The following SSBP2 variants were observed in gnomAD, a reference collection of about 807,000 sequenced individuals.
SSBP2 encodes single stranded DNA binding protein 2.
Under a neutral mutation model 61.8 loss-of-function variants are expected in SSBP2, and 17 were observed. That is an observed-to-expected ratio of 0.28 (90% confidence interval 0.19 to 0.41). The LOEUF (loss-of-function observed/expected upper bound fraction) is 0.41, where lower values mean the gene tolerates loss of function less well. Ranked by LOEUF, SSBP2 falls within the 10% of genes least tolerant of loss-of-function variation. The pLI, the probability that SSBP2 is intolerant of heterozygous loss-of-function variation, is 1.00. For missense variants in SSBP2, 310 were observed against 458.7 expected (o/e 0.68, Z 2.96); for synonymous variants, 139 against 141.3 (o/e 0.98, Z 0.12).
rs561985248 is a variant in SSBP2, at chr5:81,693,106, G to A, written c.63-42767C>T. Among the ~76,000 whole-genome samples the A allele has an allele frequency of 3.3e-5, 5 of 151,506 alleles. No homozygotes were observed. In the East Asian group the frequency reaches 5.8e-4, roughly 18 times the overall value. The stretch of plus-strand genomic sequence containing the variant: ...TGTAGTCCCAGCTACTCAGGAGGCC[G>A]AGGCAGGAGAATCGCTTGAACCTGG... On this transcript the variant is annotated intron_variant, in intron 1 of 16. Coordinates refer to ENST00000320672, the MANE Select transcript of SSBP2 (RefSeq NM_012446.5).
Position 81,583,902 on chromosome 5 carries a change from A to G in SSBP2, c.282+31571T>C, listed in dbSNP as rs973313237. Among the ~76,000 whole-genome samples, 5 of 152,172 alleles carry G rather than the reference A, an allele frequency of 3.3e-5. 1 individual carries two copies. Among genetic ancestry groups the G allele is most frequent in the African/African-American group, 9.7e-5 (4 of 41,436 alleles). On this transcript the variant is annotated intron_variant, in intron 4 of 16. Coordinates refer to ENST00000320672, the MANE Select transcript of SSBP2 (RefSeq NM_012446.5). The stretch of plus-strand genomic sequence containing the variant: ...TACCTTCATCAAATGTAGTTTTCCA[A>G]CTAGTGTTAATACCCTAGATGTTAA...
At chr5:81,489,759 CT>C (rs1360855336) in intron 5 of SSBP2, among the ~76,000 whole-genome samples, 1 of 152,108 alleles carries the variant, frequency 6.6e-6, no homozygotes, top group African/African-American at 2.4e-5. Context: ...CAAATTTCAT[CT>C]TTTATAGCTT....
chr5:81,543,754 A>G (rs1045297324), intron 4 of SSBP2, among the ~76,000 whole-genome samples: 1 of 152,232 alleles, frequency 6.6e-6, no homozygotes, highest in African/African-American at 2.4e-5. Context: ...TAGGCATTCA[A>G]TAATTATTTG....
chr5:81,694,819 AATTT>A (rs1268133533), intron 1 of SSBP2, among the ~76,000 whole-genome samples: 1 of 152,160 alleles, frequency 6.6e-6, no homozygotes, highest in Non-Finnish European at 1.5e-5. Flanking sequence ...TACAAAAAAA[AATTT>A]TTTTAACTAG....
chr5:81,542,844 T>TCTCTCTCTCTCTCC (rs1771399500), intron 4 of SSBP2, among the ~76,000 whole-genome samples: 1 of 151,180 alleles, frequency 6.6e-6, no homozygotes, highest in Admixed American at 6.6e-5. Context: ...TCTCTCTCTC[T>TCTCTCTCTCTCTCC]CTCTCTCTCC....
intron 1 of SSBP2, among the ~76,000 whole-genome samples, chr5:81,702,110 C>T (rs759556565): frequency 2.4e-4 from 36 of 152,224 alleles, no homozygotes; most frequent in Non-Finnish European, 4.0e-4. Context: ...CGGCAGCTCA[C>T]GCCTGTAATC....
intron 3 of SSBP2, among the ~76,000 whole-genome samples, chr5:81,635,691 C>T (rs1451668729): frequency 6.6e-6 from 1 of 151,248 alleles, no homozygotes; most frequent in Non-Finnish European, 1.5e-5. Context: ...TCACGCCATT[C>T]TCCTGCCTTA....
intron 1 of SSBP2, among the ~76,000 whole-genome samples, chr5:81,727,968 C>A (rs1438611840): frequency 6.6e-6 from 1 of 152,080 alleles, no homozygotes; most frequent in Non-Finnish European, 1.5e-5. Flanking sequence ...AAGAAGCCAG[C>A]CATAGAAAGG....
chr5:81,638,045 T>C (rs535706237), intron 2 of SSBP2, among the ~76,000 whole-genome samples: 17 of 137,782 alleles, frequency 1.2e-4, no homozygotes, highest in Admixed American at 3.4e-4. Context: ...CAGGTGGGAA[T>C]TGAACAATGA....
In SSBP2 at chr5:81,552,723, T is replaced by C. The variant is rs370583027; in HGVS notation, c.283-39006A>G. ...ACAGAAAATAATGTAAAGGTGTGCA[T>C]GTGAAGAGGAATTGGTAGAACAAAA... is the stretch of plus-strand genomic sequence containing the variant. On this transcript the variant is annotated intron_variant, in intron 4 of 16. Coordinates refer to ENST00000320672, the MANE Select transcript of SSBP2 (RefSeq NM_012446.5). Among the ~76,000 whole-genome samples, 6 of 150,648 alleles carry C rather than the reference T, an allele frequency of 4.0e-5. No individual in the cohort carries two copies. The South Asian group carries it at 6.3e-4, about 16-fold the overall frequency.
intron 1 of SSBP2, among the ~76,000 whole-genome samples, chr5:81,697,604 A>G (rs1039688057): frequency 1.3e-5 from 2 of 152,218 alleles, no homozygotes; most frequent in Admixed American, 6.5e-5. Context: ...GTTAACTACT[A>G]TGATTACCAG....
At chr5:81,440,006 T>C (rs1762922703) in intron 14 of SSBP2, among the ~76,000 whole-genome samples, 1 of 152,118 alleles carries the variant, frequency 6.6e-6, no homozygotes, top group South Asian at 2.1e-4. Flanking sequence ...TCACTTGAAA[T>C]GGTCTTTATC....
At chr5:81,577,304 CAAAGT>C (rs1774287659) in intron 4 of SSBP2, among the ~76,000 whole-genome samples, 1 of 151,858 alleles carries the variant, frequency 6.6e-6, no homozygotes, top group African/African-American at 2.4e-5. Flanking sequence ...CTCTGTCAGT[CAAAGT>C]AAGTAATAAA....
At chr5:81,581,541 G>T (rs1306960171) in intron 4 of SSBP2, among the ~76,000 whole-genome samples, 1 of 152,150 alleles carries the variant, frequency 6.6e-6, no homozygotes, top group Admixed American at 6.5e-5. Flanking sequence ...AGAAAAAATG[G>T]TAACTGTTTC....
chr5:81,457,676 T>C (rs74487663), intron 10 of SSBP2, among the ~76,000 whole-genome samples: 2 of 152,136 alleles, frequency 1.3e-5, no homozygotes, highest in Admixed American at 1.3e-4. Flanking sequence ...TTTTTTTTTT[T>C]TTGAGACCGA....
At chr5:81,687,076 GATCACTGAAAGC>G (rs1373894967) in intron 1 of SSBP2, among the ~76,000 whole-genome samples, 3 of 152,134 alleles carry the variant, frequency 2.0e-5, no homozygotes, top group Non-Finnish European at 4.4e-5. Context: ...TTTAACTTCG[GATCACTGAAAGC>G]AGCACTGAAG....
At position 81,418,230 on chromosome 5, in the gene SSBP2, T is replaced by C. The variant is rs1761400715; in HGVS notation, c.*2274A>G. 2 of 152,252 alleles carry C rather than the reference T, an allele frequency of 1.3e-5. No individual in the cohort carries two copies. Among genetic ancestry groups the C allele is most frequent in the South Asian group, 2.1e-4 (1 of 4,832 alleles). 9.4% of individuals were successfully genotyped at this position (152,252 alleles called of 1,614,324 possible). A position where few individuals can be genotyped will look rare whatever the true frequency, so the allele number is the denominator to read the frequency against. ...ACTATCACCTTCATTCAGGTTACCC[T>C]GGCTTGAGGTAAAGACCTTTTCATC... On this transcript the variant is annotated 3_prime_UTR_variant, in exon 17 of 17. Coordinates refer to ENST00000320672, the MANE Select transcript of SSBP2 (RefSeq NM_012446.5).
intron 4 of SSBP2, among the ~76,000 whole-genome samples, chr5:81,518,823 A>C (rs1769237011): frequency 6.6e-6 from 1 of 152,172 alleles, no homozygotes; most frequent in Non-Finnish European, 1.5e-5. Flanking sequence ...AATCAGGAAT[A>C]AGAAAATATG....
intron 4 of SSBP2, among the ~76,000 whole-genome samples, chr5:81,557,016 T>C (rs910313684): frequency 6.6e-6 from 1 of 152,144 alleles, no homozygotes; most frequent in African/African-American, 2.4e-5. Context: ...GATTCATCCT[T>C]TCTAATCTCA....
Sources: gnomAD v4.1 joint callset for allele counts (sites outside exome capture counted in the v4.1 genomes callset) on GRCh38, gnomAD v4.1.1 for gene constraint, MANE v1.5 for transcripts, NCBI Gene and HGNC (gene_info 2026-07-23, HGNC 2026-07-21) for gene names.